The following STPG2 variants were observed in gnomAD, a reference collection of about 807,000 sequenced individuals.
STPG2 encodes the protein sperm tail PG-rich repeat containing 2.
Under a neutral mutation model 54.2 loss-of-function variants are expected in STPG2, and 56 were observed. The observed-to-expected ratio is 1.03, with a 90% CI of 0.83 to 1.29. The LOEUF (loss-of-function observed/expected upper bound fraction) is 1.29. STPG2 is among the 50% of genes most tolerant of loss of function. The pLI is 0.00. For missense variants in STPG2, 596 were observed against 544.9 expected, an observed-to-expected ratio of 1.09 and a Z score of -0.93; for synonymous variants, 200 against 181.8, an observed-to-expected ratio of 1.10 and a Z score of -0.81.
chr4:97,869,467 A>G (rs1729905267), intron 8 of STPG2, among the ~76,000 whole-genome samples: 1 of 151,696 alleles, frequency 6.6e-6, no homozygotes, highest in South Asian at 2.1e-4. Context: ...TGACATTTTC[A>G]GCATTTAGGT....
chr4:97,953,755 CT>C, intron 7 of STPG2, among the ~76,000 whole-genome samples: 1 of 152,216 alleles, frequency 6.6e-6, no homozygotes, highest in Non-Finnish European at 1.5e-5. Context: ...TTCTCTCTGC[CT>C]TTCACACTCT....
chr4:97,796,588 G>GT (rs1727189430), intron 9 of STPG2, among the ~76,000 whole-genome samples: 1 of 152,136 alleles, frequency 6.6e-6, no homozygotes. Context: ...GTACCATGCT[G>GT]TTTTGGTTAC....
At position 97,947,057 on chromosome 4, in the gene STPG2, TATG is replaced by T. The variant is rs1300759609; in HGVS notation, c.934-3053_934-3051del. Reference sequence around the variant, plus strand: ...TGTGTTTCCATTTGTTTGTGTCACCTATGATTTCTTTCGGCAGTGTTTTGTAGT... The same window carrying T: ...TGTGTTTCCATTTGTTTGTGTCACCTATTTCTTTCGGCAGTGTTTTGTAGT... On this transcript the variant is annotated intron_variant, in intron 7 of 10. Coordinates refer to ENST00000295268, the MANE Select transcript of STPG2 (RefSeq NM_174952.3). 2.6e-5 allele frequency among the ~76,000 whole-genome samples: 4 copies of T among 152,304 alleles called. No homozygotes were observed. The South Asian group carries it at 8.3e-4, about 32-fold the overall frequency.
At chr4:97,632,287 T>A (rs1265685312) in intron 10 of STPG2, among the ~76,000 whole-genome samples, 1 of 147,142 alleles carries the variant, frequency 6.8e-6, no homozygotes, top group African/African-American at 2.5e-5. Context: ...GCTTATTGGT[T>A]TTTTTTTTTT....
intron 10 of STPG2, among the ~76,000 whole-genome samples, chr4:97,711,520 A>AC (rs1724119410): frequency 6.6e-6 from 1 of 152,158 alleles, no homozygotes; most frequent in Non-Finnish European, 1.5e-5. Flanking sequence ...GCTTTGCTTA[A>AC]CCAGCAGGCA....
At chr4:97,503,720 T>A (rs1178817077) in intron 4 of STPG2, among the ~76,000 whole-genome samples, 2 of 150,492 alleles carry the variant, frequency 1.3e-5, no homozygotes, top group Non-Finnish European at 1.5e-5. Context: ...TACATGGAAA[T>A]AACAGTGTGT....
intron 8 of STPG2, among the ~76,000 whole-genome samples, chr4:97,883,645 C>T (rs577019341): frequency 7.2e-5 from 11 of 151,926 alleles, no homozygotes; most frequent in South Asian, 4.2e-4. Flanking sequence ...TCATTAGACT[C>T]GACAGAGCCA....
intron 10 of STPG2, among the ~76,000 whole-genome samples, chr4:97,616,096 G>GTATA (rs1733867282): frequency 9.2e-5 from 4 of 43,638 alleles, no homozygotes; most frequent in Non-Finnish European, 1.1e-4. Flanking sequence ...ATATATATAT[G>GTATA]TATGTATATT....
At chr4:97,749,903 T>C (rs1427895216) in intron 9 of STPG2, among the ~76,000 whole-genome samples, 1 of 151,788 alleles carries the variant, frequency 6.6e-6, no homozygotes. Context: ...TTTCTGAGAA[T>C]CTTGTGAGGC....
At chr4:97,779,581 C>G (rs1017928881) in intron 9 of STPG2, among the ~76,000 whole-genome samples, 1 of 152,022 alleles carries the variant, frequency 6.6e-6, no homozygotes, top group Admixed American at 6.6e-5. Context: ...ATACAGAGAC[C>G]ACCACAAAGA....
chr4:97,565,788 C>T (rs923732596), intron 10 of STPG2, among the ~76,000 whole-genome samples: 1 of 152,144 alleles, frequency 6.6e-6, no homozygotes, highest in African/African-American at 2.4e-5. Flanking sequence ...GATCGTTCCT[C>T]TGGAAGTTTT....
intron 8 of STPG2, among the ~76,000 whole-genome samples, chr4:97,862,958 G>T (rs1465942894): frequency 4.6e-5 from 7 of 152,118 alleles, no homozygotes; most frequent in Non-Finnish European, 1.5e-5. Context: ...TGTGTAGAGG[G>T]AAATTTATAG....
chr4:98,003,270 T>C (rs558707806), intron 5 of STPG2, among the ~76,000 whole-genome samples: 34 of 152,252 alleles, frequency 2.2e-4, no homozygotes, highest in African/African-American at 7.7e-4. Context: ...TGTTTCAACT[T>C]GGAAGACAAC....
At chr4:97,700,005 G>A (rs928381462) in intron 10 of STPG2, among the ~76,000 whole-genome samples, 6 of 152,222 alleles carry the variant, frequency 3.9e-5, no homozygotes, top group Admixed American at 1.3e-4. Context: ...ATGATAGGCA[G>A]TTGAGGTCAT....
In STPG2 at chr4:97,906,931, G is replaced by T. The variant is rs1429104710; in HGVS notation, c.1044+36966C>A. ...TCTCATACTGAATGGGCAAAAACTGGAAGCATTCCCTTTGAAAACTGGCAC... is the reference window on the plus strand; with the variant it reads ...TCTCATACTGAATGGGCAAAAACTGTAAGCATTCCCTTTGAAAACTGGCAC... On this transcript the variant is annotated intron_variant, in intron 8 of 10. Transcript: ENST00000295268. Among the ~76,000 whole-genome samples the T allele has an allele frequency of 1.6e-3, 242 of 151,700 alleles. 1 individual carries two copies. Among genetic ancestry groups the T allele is most frequent in the African/African-American group, 5.6e-3 (232 of 41,374 alleles).
At chr4:97,762,688 A>C (rs2149055005) in intron 9 of STPG2, among the ~76,000 whole-genome samples, 1 of 152,298 alleles carries the variant, frequency 6.6e-6, no homozygotes, top group Middle Eastern at 3.4e-3. Context: ...ACTAACTTCA[A>C]GTATTCCAAA....
chr4:97,758,294 A>G (rs1725789468), intron 9 of STPG2, among the ~76,000 whole-genome samples: 1 of 152,200 alleles, frequency 6.6e-6, no homozygotes, highest in Non-Finnish European at 1.5e-5. Context: ...ATTTATAAAA[A>G]TCATTCTACT....
chr4:97,859,565 A>G (rs1290249397), intron 8 of STPG2, among the ~76,000 whole-genome samples: 1 of 151,182 alleles, frequency 6.6e-6, no homozygotes, highest in Non-Finnish European at 1.5e-5. Flanking sequence ...CCCAGGTTCA[A>G]GTGATTCTCC....
chr4:97,731,449 T>C (rs1947516), intron 9 of STPG2, among the ~76,000 whole-genome samples: 127,670 of 152,140 alleles, frequency 0.84, 53,739 homozygotes, highest in Middle Eastern at 0.95. Context: ...TCAGTGCGTT[T>C]GCAGCATGCT....
Sources: allele counts gnomAD v4.1 joint callset (sites outside exome capture counted in the v4.1 genomes callset), GRCh38; gene constraint gnomAD v4.1.1; transcripts MANE v1.5; gene names NCBI Gene and HGNC (gene_info 2026-07-23, HGNC 2026-07-21).